GMDS: variants seen among roughly 807,000 people sequenced by gnomAD.
The protein encoded by GMDS is GDP-mannose 4,6-dehydratase.
A neutral mutation model predicts 49.9 loss-of-function variants in GMDS; 20 were observed. That is an observed-to-expected ratio of 0.40 (90% CI 0.28 to 0.58). GMDS has a LOEUF of 0.58. Among genes scored for constraint, GMDS ranks in the 20% least tolerant of loss-of-function variants. GMDS has a pLI of 0.42. For missense variants in GMDS, 362 were observed against 481.4 expected (o/e 0.75, Z 2.32); for synonymous variants, 177 against 178.6 (o/e 0.99, Z 0.07).
chr6:1,940,160 T>A (rs1762753464), intron 6 of GMDS, among the ~76,000 whole-genome samples: 1 of 148,644 alleles, frequency 6.7e-6, no homozygotes, highest in African/African-American at 2.5e-5. Flanking sequence ...TGTCTACAGA[T>A]ACACGATTGT....
chr6:2,170,145 G>A (rs1394658442), intron 1 of GMDS, among the ~76,000 whole-genome samples: 1 of 151,838 alleles, frequency 6.6e-6, no homozygotes, highest in African/African-American at 2.4e-5. Context: ...GGAGGTTGTG[G>A]TGAGCCAAGA....
intron 6 of GMDS, among the ~76,000 whole-genome samples, chr6:1,935,544 T>G (rs1762486769): frequency 6.6e-6 from 1 of 152,206 alleles, no homozygotes; most frequent in East Asian, 1.9e-4. Flanking sequence ...TGACTACATC[T>G]CTTAATTCTC....
intron 7 of GMDS, among the ~76,000 whole-genome samples, chr6:1,839,085 T>C (rs1230955408): frequency 6.6e-6 from 1 of 152,088 alleles, no homozygotes; most frequent in African/African-American, 2.4e-5. Flanking sequence ...ATCCAATTCA[T>C]CTAATTTCAT....
At chr6:2,002,027 CA>C (rs1366353223) in intron 4 of GMDS, among the ~76,000 whole-genome samples, 1 of 152,094 alleles carries the variant, frequency 6.6e-6, no homozygotes, top group Non-Finnish European at 1.5e-5. Flanking sequence ...ATTATACTCT[CA>C]GATGGTTTCC....
At chr6:1,857,713 C>T (rs1561849057) in intron 7 of GMDS, among the ~76,000 whole-genome samples, 2 of 152,122 alleles carry the variant, frequency 1.3e-5, no homozygotes, top group Non-Finnish European at 2.9e-5. Flanking sequence ...GTGTTATTCA[C>T]TATATTTTTA....
At chr6:2,139,581 T>C (rs1284411039) in intron 1 of GMDS, among the ~76,000 whole-genome samples, 1 of 152,176 alleles carries the variant, frequency 6.6e-6, no homozygotes, top group Admixed American at 6.5e-5. Flanking sequence ...GTGGTAATTC[T>C]CACAAGGAAG....
At chr6:2,140,075 T>C (rs1776211703) in intron 1 of GMDS, among the ~76,000 whole-genome samples, 1 of 152,126 alleles carries the variant, frequency 6.6e-6, no homozygotes, top group South Asian at 2.1e-4. Flanking sequence ...CACAGCCACA[T>C]CCTCACCACT....
intron 4 of GMDS, among the ~76,000 whole-genome samples, chr6:2,050,068 T>C (rs6924265): frequency 0.28 from 42,874 of 151,824 alleles, 6,156 homozygotes; most frequent in African/African-American, 0.32. Context: ...AAAAACCCTT[T>C]AAAAAATCAC....
chr6:1,729,653 C>T (rs544263867), intron 8 of GMDS, among the ~76,000 whole-genome samples: 5 of 152,290 alleles, frequency 3.3e-5, no homozygotes, highest in South Asian at 2.1e-4. Context: ...AGTGATGTTA[C>T]GACTTGAAGC....
intron 9 of GMDS, among the ~76,000 whole-genome samples, chr6:1,685,362 C>T (rs560691482): frequency 6.6e-6 from 1 of 152,286 alleles, no homozygotes; most frequent in South Asian, 2.1e-4. Context: ...GAGACTCCAT[C>T]TCAAAAACAA....
intron 4 of GMDS, among the ~76,000 whole-genome samples, chr6:2,059,653 A>G (rs1209046385): frequency 7.9e-6 from 1 of 127,296 alleles, no homozygotes; most frequent in African/African-American, 3.0e-5. Flanking sequence ...GCTTGCAGTG[A>G]GCCGAGATCG....
At chr6:1,699,914 C>T (rs1161861608) in intron 9 of GMDS, among the ~76,000 whole-genome samples, 1 of 152,234 alleles carries the variant, frequency 6.6e-6, no homozygotes, top group Non-Finnish European at 1.5e-5. Context: ...ACACAGCCTC[C>T]ATACGCAGAG....
intron 7 of GMDS, among the ~76,000 whole-genome samples, chr6:1,808,935 T>C (rs1000859602): frequency 6.6e-6 from 1 of 151,842 alleles, no homozygotes; most frequent in African/African-American, 2.4e-5. Flanking sequence ...TGTACACCTA[T>C]ACACATCCAT....
At chr6:1,684,225 G>C (rs759736404) in intron 9 of GMDS, among the ~76,000 whole-genome samples, 4 of 152,186 alleles carry the variant, frequency 2.6e-5, no homozygotes, top group Non-Finnish European at 5.9e-5. Context: ...GAAACACCAG[G>C]ATGTGGGGCG....
intron 9 of GMDS, among the ~76,000 whole-genome samples, chr6:1,636,572 C>T (rs1165690598): frequency 6.6e-6 from 1 of 152,206 alleles, no homozygotes; most frequent in African/African-American, 2.4e-5. Flanking sequence ...TCTGGCCGTC[C>T]TGAAGGTGCC....
rs931612520 is a variant in GMDS, at chr6:2,223,103, C to A, written c.102+22218G>T. ...ATGACATGAACCAATTCCTTCAAAT[C>A]AATCAATCAATCAATCAATCAATCA... On this transcript the variant is annotated intron_variant, in intron 1 of 10. Coordinates refer to ENST00000380815, the MANE Select transcript of GMDS (RefSeq NM_001500.4). Among the ~76,000 whole-genome samples, 45 of 142,186 alleles carry A rather than the reference C, an allele frequency of 3.2e-4. 1 individual carries two copies. The highest frequency in any genetic ancestry group is 1.1e-3 in the African/African-American group (37 of 34,108). 93.3% of individuals were successfully genotyped at this position (142,186 alleles called of 152,430 possible).
chr6:1,963,401 T>C (rs1235535780), intron 4 of GMDS, among the ~76,000 whole-genome samples: 2 of 152,184 alleles, frequency 1.3e-5, no homozygotes, highest in Non-Finnish European at 2.9e-5. Flanking sequence ...AGAAGTCCCA[T>C]TTATCTACTT....
At position 2,223,640 on chromosome 6, in the gene GMDS, G is replaced by A. The variant is rs116520784; in HGVS notation, c.102+21681C>T. ...GCTGGTGAAGACATGAGGAGTGAGG[G>A]GAAAGGAGGACGATAGGATGACTCC... On this transcript the variant is annotated intron_variant, in intron 1 of 10. Coordinates refer to ENST00000380815, the MANE Select transcript of GMDS (RefSeq NM_001500.4). 3.8e-3 allele frequency among the ~76,000 whole-genome samples: 579 copies of A among 152,014 alleles called. 4 individuals are homozygous for A. Among genetic ancestry groups the A allele is most frequent in the African/African-American group, 0.013 (545 of 41,458 alleles).
intron 9 of GMDS, among the ~76,000 whole-genome samples, chr6:1,660,578 A>T (rs1395257703): frequency 6.6e-6 from 1 of 151,790 alleles, no homozygotes; most frequent in East Asian, 1.9e-4. Flanking sequence ...ACATGTGTCA[A>T]TGAGGAAAAG....
Sources: gnomAD v4.1 joint callset for allele counts (sites outside exome capture counted in the v4.1 genomes callset) on GRCh38, gnomAD v4.1.1 for gene constraint, MANE v1.5 for transcripts, NCBI Gene and HGNC (gene_info 2026-07-23, HGNC 2026-07-21) for gene names.